TEC: variants seen among roughly 807,000 people sequenced by gnomAD.
The protein encoded by TEC is tyrosine-protein kinase Tec.
TEC carries 72 observed loss-of-function variants against 93.0 expected under a neutral mutation model. That is an observed-to-expected ratio of 0.77 (90% CI 0.64 to 0.94). The LOEUF (loss-of-function observed/expected upper bound fraction) is 0.94. TEC is among the 40% of genes least tolerant of loss of function. The pLI is 0.00. For missense variants in TEC, 630 were observed against 757.9 expected, an observed-to-expected ratio of 0.83 and a Z score of 1.98; for synonymous variants, 249 against 247.7, an observed-to-expected ratio of 1.01 and a Z score of -0.05.
chr4:48,207,642 G>C (rs1263077376), intron 2 of TEC, among the ~76,000 whole-genome samples: 1 of 137,800 alleles, frequency 7.3e-6, no homozygotes, highest in Admixed American at 7.5e-5. Flanking sequence ...AAAAAAATTA[G>C]CCGTGCGTGG....
intron 1 of TEC, among the ~76,000 whole-genome samples, chr4:48,255,410 G>C (rs1266977389): frequency 6.6e-6 from 1 of 152,206 alleles, no homozygotes; most frequent in Non-Finnish European, 1.5e-5. Flanking sequence ...TGGAGGGACT[G>C]CTCGGATTGG....
intron 1 of TEC, among the ~76,000 whole-genome samples, chr4:48,239,096 C>T (rs1159263573): frequency 6.6e-6 from 1 of 151,884 alleles, no homozygotes; most frequent in East Asian, 1.9e-4. Context: ...AACAGGAAAA[C>T]CCTTGCAAAA....
intron 2 of TEC, among the ~76,000 whole-genome samples, chr4:48,223,438 C>A (rs560488554): frequency 1.3e-5 from 2 of 152,024 alleles, no homozygotes; most frequent in African/African-American, 4.8e-5. Context: ...CCTGCAATTT[C>A]TGGAAGGTGT....
chr4:48,168,367 C>G (rs1170880411), intron 6 of TEC, among the ~76,000 whole-genome samples: 1 of 152,170 alleles, frequency 6.6e-6, no homozygotes, highest in Non-Finnish European at 1.5e-5. Context: ...ATAACAGGAT[C>G]TCCAATGATA....
In TEC at chr4:48,149,646, G is replaced by T; in HGVS notation, c.917C>A (p.Thr306Lys). The change falls in exon 11 of 18, where the codon ACA (threonine) becomes AAA (lysine). Residue 306 changes from threonine (T) to lysine (K), a missense_variant. By Grantham distance (78) the Thr-to-Lys change is moderately conservative. Transcript: ENST00000381501. ...TAGGTAATACTTCTTTGGAGATGTT[G>T]TTGTTTCCTTTATATGATAATGCCT... is the stretch of plus-strand genomic sequence containing the variant. ...GFRHYHIKET[T>K]TSPKKYYLAE... is the part of the protein sequence containing the mutation. 1 of 1,612,258 alleles carries T rather than the reference G, an allele frequency of 6.2e-7. No individual in the cohort carries two copies. The highest frequency in any genetic ancestry group is 8.5e-7 in the Non-Finnish European group (1 of 1,179,406).
At chr4:48,227,768 T>C (rs1320281175) in intron 2 of TEC, among the ~76,000 whole-genome samples, 1 of 152,092 alleles carries the variant, frequency 6.6e-6, no homozygotes, top group African/African-American at 2.4e-5. Context: ...AGGATATTTC[T>C]AGCAGAGAAG....
At chr4:48,231,892 C>T (rs1723657087) in intron 1 of TEC, among the ~76,000 whole-genome samples, 1 of 152,078 alleles carries the variant, frequency 6.6e-6, no homozygotes, top group Non-Finnish European at 1.5e-5. Context: ...TTTGGAAGGC[C>T]CAAAGGATAA....
intron 2 of TEC, among the ~76,000 whole-genome samples, chr4:48,186,793 GC>G (rs1385960344): frequency 6.9e-6 from 1 of 145,220 alleles, no homozygotes; most frequent in Non-Finnish European, 1.5e-5. Context: ...CCTGCCAGCC[GC>G]CCCATCTGGG....
intron 2 of TEC, among the ~76,000 whole-genome samples, chr4:48,220,481 TAA>T (rs770513990): frequency 6.6e-6 from 1 of 151,976 alleles, no homozygotes; most frequent in Non-Finnish European, 1.5e-5. Context: ...CTGGTTGTTT[TAA>T]AAGAGTATGG....
At chr4:48,262,325 T>TGG (rs1724517600) in intron 1 of TEC, among the ~76,000 whole-genome samples, 1 of 150,996 alleles carries the variant, frequency 6.6e-6, no homozygotes, top group South Asian at 2.1e-4. Context: ...GCCTCCCGAG[T>TGG]AGCTGGAATT....
chr4:48,170,179 C>A, intron 5 of TEC, 69 bp downstream of exon 5: 1 of 1,334,120 alleles, frequency 7.5e-7, no homozygotes. Context: ...AACCATGTCA[C>A]TTTCTTACCA....
intron 1 of TEC, among the ~76,000 whole-genome samples, chr4:48,262,654 T>C (rs534005149): frequency 4.6e-5 from 7 of 152,076 alleles, no homozygotes; most frequent in African/African-American, 1.7e-4. Context: ...AAAAGGGAGG[T>C]TCCAATGACT....
Position 48,250,195 on chromosome 4 carries a change from A to G in TEC, c.-46+19557T>C, listed in dbSNP as rs147930765. On this transcript the variant is annotated intron_variant, in intron 1 of 17. Transcript: ENST00000381501. ...TTTGCTCTTCATCCAGTATCCAAGT[A>G]AATGGCCTCATAATCTCCCCAGCTG... Among the ~76,000 whole-genome samples the G allele has an allele frequency of 6.6e-5, 10 of 152,354 alleles. No individual in the cohort carries two copies. The East Asian group carries it at 1.9e-3, about 29-fold the overall frequency.
intron 2 of TEC, among the ~76,000 whole-genome samples, chr4:48,200,275 T>TG (rs897928093): frequency 1.1e-5 from 1 of 94,182 alleles, no homozygotes; most frequent in Non-Finnish European, 2.1e-5. Flanking sequence ...ACAGGTGGGC[T>TG]GGGGGGTGGG....
chr4:48,209,136 A>G (rs1722809799), intron 2 of TEC, among the ~76,000 whole-genome samples: 1 of 152,214 alleles, frequency 6.6e-6, no homozygotes, highest in Non-Finnish European at 1.5e-5. Context: ...TCAGCACAGA[A>G]AGTTTTAATC....
chr4:48,198,877 T>C (rs1189852199), intron 2 of TEC, among the ~76,000 whole-genome samples: 1 of 152,252 alleles, frequency 6.6e-6, no homozygotes, highest in Non-Finnish European at 1.5e-5. Flanking sequence ...TGATTTTCAC[T>C]GTGCAAAATG....
intron 1 of TEC, among the ~76,000 whole-genome samples, chr4:48,264,742 T>G (rs765664927): frequency 1.3e-5 from 2 of 151,778 alleles, no homozygotes; most frequent in Non-Finnish European, 2.9e-5. Context: ...GTTCAAGCAA[T>G]TCTCCTGCCT....
At chr4:48,168,863 G>A (rs1720985905) in intron 5 of TEC, among the ~76,000 whole-genome samples, 1 of 152,160 alleles carries the variant, frequency 6.6e-6, no homozygotes, top group African/African-American at 2.4e-5. Flanking sequence ...AGGGATTGAA[G>A]CCAGGCCAGT....
chr4:48,143,595 A>T (rs539459981), intron 14 of TEC, among the ~76,000 whole-genome samples: 4 of 152,350 alleles, frequency 2.6e-5, no homozygotes, highest in African/African-American at 9.6e-5. Flanking sequence ...TTACAGACAC[A>T]GAAACTGAAT....
Sources: gnomAD v4.1 joint callset for allele counts (sites outside exome capture counted in the v4.1 genomes callset) on GRCh38, gnomAD v4.1.1 for gene constraint, MANE v1.5 for transcripts, NCBI Gene and HGNC (gene_info 2026-07-23, HGNC 2026-07-21) for gene names.